The following ADAMTSL1 variants were observed in gnomAD, a reference collection of about 807,000 sequenced individuals.
The protein encoded by ADAMTSL1 is ADAMTS-like protein 1.
In ADAMTSL1, 126 loss-of-function variants were observed where a neutral mutation model predicts 201.8. The ratio of observed to expected loss-of-function variants is 0.62; its 90% confidence interval spans 0.54 to 0.72. The LOEUF is 0.72. Ranked by LOEUF, ADAMTSL1 falls within the 30% of genes least tolerant of loss-of-function variation. ADAMTSL1 has a pLI of 0.00. For synonymous variants in ADAMTSL1, 1,121 were observed against 903.4 expected, an observed-to-expected ratio of 1.24 and a Z score of -4.32; for missense variants, 2,679 against 2,277.8, an observed-to-expected ratio of 1.18 and a Z score of -3.59.
At chr9:18,678,678 C>G (rs1830267633) in intron 10 of ADAMTSL1, among the ~76,000 whole-genome samples, 3 of 152,074 alleles carry the variant, frequency 2.0e-5, no homozygotes, top group African/African-American at 2.4e-5. Context: ...TTTATAGCAT[C>G]TTAATATTCT....
chr9:18,527,725 A>C (rs1475793820), intron 2 of ADAMTSL1, among the ~76,000 whole-genome samples: 1 of 152,206 alleles, frequency 6.6e-6, no homozygotes, highest in Non-Finnish European at 1.5e-5. Context: ...TGAATTAAAG[A>C]CTGAATAATT....
At chr9:18,147,867 A>T (rs1011438572) in intron 1 of ADAMTSL1, among the ~76,000 whole-genome samples, 8 of 152,160 alleles carry the variant, frequency 5.3e-5, no homozygotes, top group African/African-American at 1.9e-4. Context: ...ACTATTCTCT[A>T]CAGTTGCACA....
chr9:18,076,771 T>C (rs1463462147), intron 1 of ADAMTSL1, among the ~76,000 whole-genome samples: 1 of 152,088 alleles, frequency 6.6e-6, no homozygotes, highest in Non-Finnish European at 1.5e-5. Flanking sequence ...GGAGAGGGGC[T>C]GGGCTATGTA....
chr9:18,044,983 A>T (rs911384347), intron 1 of ADAMTSL1, among the ~76,000 whole-genome samples: 2 of 152,140 alleles, frequency 1.3e-5, no homozygotes, highest in Non-Finnish European at 2.9e-5. Context: ...ATTGATTTTA[A>T]ATGTAAACCA....
At chr9:18,452,555 T>C (rs951707061) in intron 2 of ADAMTSL1, among the ~76,000 whole-genome samples, 5 of 152,200 alleles carry the variant, frequency 3.3e-5, no homozygotes, top group African/African-American at 1.2e-4. Flanking sequence ...ACTCCAGGCA[T>C]GATTCATCCT....
At chr9:17,996,273 T>G (rs935582598) in intron 1 of ADAMTSL1, among the ~76,000 whole-genome samples, 2 of 152,044 alleles carry the variant, frequency 1.3e-5, no homozygotes, top group Non-Finnish European at 2.9e-5. Context: ...ACCGCTGTAT[T>G]AATTATCATA....
At chr9:18,680,274 G>A in intron 10 of ADAMTSL1, 38 bp from the exon 11 acceptor site, 1 of 1,596,786 alleles carries the variant, frequency 6.3e-7, no homozygotes, top group South Asian at 1.1e-5. Flanking sequence ...GCTTAGCAAT[G>A]TGCATGTCTG....
chr9:18,064,190 G>GA (rs1822591275), intron 1 of ADAMTSL1, among the ~76,000 whole-genome samples: 1 of 152,126 alleles, frequency 6.6e-6, no homozygotes, highest in Non-Finnish European at 1.5e-5. Context: ...AGCTGGATGG[G>GA]ATCCTTTATT....
intron 2 of ADAMTSL1, among the ~76,000 whole-genome samples, chr9:18,196,769 G>C (rs1829199692): frequency 6.6e-6 from 1 of 151,958 alleles, no homozygotes. Flanking sequence ...TAGTCCTTCA[G>C]TTCCTCACAC....
Position 18,381,453 on chromosome 9 carries a change from G to A in ADAMTSL1, c.208-123376G>A, listed in dbSNP as rs571354571. ...AATGATAAAGCTATGGCTTAGAAAA[G>A]TTAAGGTTCTTGCCCAAGGCATTAT... is the stretch of plus-strand genomic sequence containing the variant. On this transcript the variant is annotated intron_variant, in intron 2 of 29. Coordinates refer to the ADAMTSL1 transcript ENST00000680146. 3.9e-5 allele frequency among the ~76,000 whole-genome samples: 6 copies of A among 152,286 alleles called. No homozygotes were observed. In the South Asian group the frequency reaches 1.2e-3, roughly 32 times the overall value.
chr9:18,060,538 G>C (rs1423104742), intron 1 of ADAMTSL1, among the ~76,000 whole-genome samples: 2 of 152,122 alleles, frequency 1.3e-5, no homozygotes, highest in Non-Finnish European at 1.5e-5. Context: ...TGAGTAAGCT[G>C]CCTATAGGAA....
At chr9:18,019,636 T>A (rs1820399856) in intron 1 of ADAMTSL1, among the ~76,000 whole-genome samples, 1 of 152,250 alleles carries the variant, frequency 6.6e-6, no homozygotes, top group Non-Finnish European at 1.5e-5. Context: ...ATTTGTAGGA[T>A]TGATTTTTGT....
At chr9:18,596,062 C>T (rs181634420) in intron 4 of ADAMTSL1, among the ~76,000 whole-genome samples, 61 of 152,192 alleles carry the variant, frequency 4.0e-4, no homozygotes, top group Admixed American at 9.8e-4. Context: ...GTGACATCAT[C>T]CCCACAGAAG....
At chr9:18,576,606 G>A (rs10115933) in intron 4 of ADAMTSL1, among the ~76,000 whole-genome samples, 2,082 of 152,268 alleles carry the variant, frequency 0.014, 46 homozygotes, top group African/African-American at 0.046. Context: ...AGTTATTGCC[G>A]TTTCATAGAA....
chr9:18,488,068 A>G (rs905482759), intron 1 of ADAMTSL1, among the ~76,000 whole-genome samples: 1 of 152,222 alleles, frequency 6.6e-6, no homozygotes, highest in African/African-American at 2.4e-5. Flanking sequence ...CAGTCTTTCC[A>G]ATATCTAACG....
chr9:18,354,693 C>T (rs955827020), intron 2 of ADAMTSL1, among the ~76,000 whole-genome samples: 6 of 152,054 alleles, frequency 3.9e-5, no homozygotes, highest in South Asian at 2.1e-4. Context: ...CTGGGTCAGG[C>T]GTGGTGGCTC....
intron 1 of ADAMTSL1, among the ~76,000 whole-genome samples, chr9:18,000,347 C>T (rs1819561491): frequency 6.6e-6 from 1 of 151,932 alleles, no homozygotes; most frequent in African/African-American, 2.4e-5. Flanking sequence ...CCCCTTCTTT[C>T]CTTCCCCCCA....
intron 1 of ADAMTSL1, among the ~76,000 whole-genome samples, chr9:17,959,934 C>T (rs1357763870): frequency 6.6e-6 from 1 of 152,042 alleles, no homozygotes; most frequent in Admixed American, 6.6e-5. Context: ...CTTTCTATCC[C>T]TAGGAGTCCC....
intron 23 of ADAMTSL1, among the ~76,000 whole-genome samples, chr9:18,853,614 A>C (rs1393937229): frequency 6.6e-6 from 1 of 152,214 alleles, no homozygotes; most frequent in Non-Finnish European, 1.5e-5. Flanking sequence ...TTGCAAAGGC[A>C]GTTTAGATTC....
Sources: gnomAD v4.1 joint callset for allele counts (sites outside exome capture counted in the v4.1 genomes callset) on GRCh38, gnomAD v4.1.1 for gene constraint, MANE v1.5 for transcripts, NCBI Gene and HGNC (gene_info 2026-07-23, HGNC 2026-07-21) for gene names.